The following PDE7B variants were observed in gnomAD, a reference collection of about 807,000 sequenced individuals.
PDE7B encodes the protein phosphodiesterase 7B, also known as 3',5'-cyclic-AMP phosphodiesterase 7B.
PDE7B carries 29 observed loss-of-function variants against 56.2 expected under a neutral mutation model. That is an observed-to-expected ratio of 0.52 (90% CI 0.38 to 0.70). The LOEUF (loss-of-function observed/expected upper bound fraction) is 0.70. PDE7B is among the 30% of genes least tolerant of loss of function. PDE7B has a pLI of 0.00. For synonymous variants in PDE7B, 197 were observed against 196.9 expected, an observed-to-expected ratio of 1.00 and a Z score of 0.00; for missense variants, 490 against 565.0, an observed-to-expected ratio of 0.87 and a Z score of 1.35.
chr6:136,033,258 C>T (rs1320427012), intron 2 of PDE7B, among the ~76,000 whole-genome samples: 13 of 152,150 alleles, frequency 8.5e-5, no homozygotes, highest in Admixed American at 8.5e-4. Flanking sequence ...TCTCACTGGA[C>T]CCATTTTTTT....
At chr6:136,104,368 A>G (rs1418936602) in intron 2 of PDE7B, among the ~76,000 whole-genome samples, 1 of 152,206 alleles carries the variant, frequency 6.6e-6, no homozygotes, top group African/African-American at 2.4e-5. Context: ...TGAATAGTCA[A>G]AATAATTGTT....
intron 1 of PDE7B, among the ~76,000 whole-genome samples, chr6:135,910,045 G>T (rs1776186346): frequency 6.6e-6 from 1 of 152,202 alleles, no homozygotes; most frequent in African/African-American, 2.4e-5. Flanking sequence ...TGCTTTTGTA[G>T]TGTCTGTGGG....
intron 2 of PDE7B, among the ~76,000 whole-genome samples, chr6:136,015,805 G>A (rs917870298): frequency 2.0e-5 from 3 of 152,010 alleles, no homozygotes; most frequent in African/African-American, 7.2e-5. Flanking sequence ...AATGACCTAG[G>A]GGAAATTTTC....
chr6:136,071,658 T>C (rs1435912488), intron 2 of PDE7B, among the ~76,000 whole-genome samples: 1 of 152,178 alleles, frequency 6.6e-6, no homozygotes, highest in Non-Finnish European at 1.5e-5. Flanking sequence ...CCAAGTGTAG[T>C]GGTGCATGCC....
At chr6:135,909,572 C>G (rs1186031504) in intron 1 of PDE7B, among the ~76,000 whole-genome samples, 1 of 152,040 alleles carries the variant, frequency 6.6e-6, no homozygotes, top group Non-Finnish European at 1.5e-5. Context: ...TGCCACTGCA[C>G]TCCAGCCTGG....
chr6:136,026,120 G>A (rs2128208565), intron 2 of PDE7B, among the ~76,000 whole-genome samples: 1 of 152,294 alleles, frequency 6.6e-6, no homozygotes, highest in African/African-American at 2.4e-5. Flanking sequence ...ACATAACAAG[G>A]TAAAGACTAC....
At chr6:136,110,309 T>C (rs1777721759) in intron 3 of PDE7B, among the ~76,000 whole-genome samples, 1 of 152,184 alleles carries the variant, frequency 6.6e-6, no homozygotes, top group South Asian at 2.1e-4. Context: ...AATGGGCTGT[T>C]CCAGCTACCC....
intron 2 of PDE7B, among the ~76,000 whole-genome samples, chr6:136,010,472 C>G (rs1222344855): frequency 1.4e-5 from 2 of 143,378 alleles, no homozygotes; most frequent in Non-Finnish European, 3.0e-5. Flanking sequence ...GTGGTGCAGT[C>G]TCGGCTCACT....
rs143317151 is a variant in PDE7B at position 136,178,477 on chromosome 6, C to T, written c.804-520C>T. 2.0e-5 allele frequency among the ~76,000 whole-genome samples: 3 copies of T among 152,218 alleles called. No homozygotes were observed. In the East Asian group the frequency reaches 5.8e-4, roughly 29 times the overall value. On this transcript the variant is annotated intron_variant, in intron 9 of 12. Transcript: ENST00000308191. ...TCTTGCCCACTGGTTTGTAACAGTG[C>T]CTTAATTAGTTTTTGTGTTTGAAGT... is the stretch of plus-strand genomic sequence containing the variant.
intron 3 of PDE7B, chr6:136,117,127 T>TCTAACC (rs1285342658): frequency 1.3e-5 from 2 of 152,156 alleles, no homozygotes; most frequent in Non-Finnish European, 2.9e-5. Flanking sequence ...TGAGCGAAAC[T>TCTAACC]CTAACCCACT....
At chr6:135,869,297 T>C (rs186423264) in intron 1 of PDE7B, among the ~76,000 whole-genome samples, 7 of 152,278 alleles carry the variant, frequency 4.6e-5, no homozygotes, top group Admixed American at 3.3e-4. Context: ...TTAGTACATA[T>C]ACTATTACTG....
chr6:136,139,951 T>C (rs977113028), intron 3 of PDE7B, among the ~76,000 whole-genome samples: 4 of 152,132 alleles, frequency 2.6e-5, no homozygotes, highest in African/African-American at 7.2e-5. Flanking sequence ...GTTTCTTTTG[T>C]TGTGCAGAAG....
chr6:136,157,393 C>T (rs555671067), intron 8 of PDE7B, among the ~76,000 whole-genome samples: 2 of 152,164 alleles, frequency 1.3e-5, no homozygotes, highest in Non-Finnish European at 2.9e-5. Flanking sequence ...GCCTGGCCAA[C>T]ACGGTGAAAC....
At position 135,935,184 on chromosome 6, in the gene PDE7B, A is replaced by T. The variant is rs1296691334; in HGVS notation, c.22-12280A>T. On this transcript the variant is annotated intron_variant, in intron 1 of 12. Transcript: ENST00000308191. Reference sequence around the variant, plus strand: ...GAGACAGAGAATTTTATATATATATATTTATTTATATATATATATATATAT... The same window carrying T: ...GAGACAGAGAATTTTATATATATATTTTTATTTATATATATATATATATAT... Among the ~76,000 whole-genome samples the T allele has an allele frequency of 7.4e-5, 4 of 54,066 alleles. 1 individual carries two copies. The highest frequency in any genetic ancestry group is 1.2e-4 in the Non-Finnish European group (4 of 32,782). The allele number at this position is 54,066 out of a possible 152,430, so 35.5% of individuals were successfully genotyped here.
At chr6:135,983,166 A>T (rs1161536154) in intron 2 of PDE7B, among the ~76,000 whole-genome samples, 1 of 152,210 alleles carries the variant, frequency 6.6e-6, no homozygotes, top group Non-Finnish European at 1.5e-5. Flanking sequence ...AAAAAATTTA[A>T]GACACACACA....
intron 2 of PDE7B, among the ~76,000 whole-genome samples, chr6:136,088,256 A>T (rs1385133506): frequency 1.3e-5 from 2 of 152,186 alleles, no homozygotes; most frequent in African/African-American, 4.8e-5. Flanking sequence ...GCAGGTTATA[A>T]TATTACTATA....
intron 2 of PDE7B, among the ~76,000 whole-genome samples, chr6:136,069,847 G>C (rs532926833): frequency 6.6e-6 from 1 of 152,106 alleles, no homozygotes; most frequent in African/African-American, 2.4e-5. Flanking sequence ...AGTGCTTAAA[G>C]AATCAGTTTA....
intron 8 of PDE7B, among the ~76,000 whole-genome samples, chr6:136,171,898 TGTTCTTGCGATA>T (rs2128449925): frequency 6.6e-6 from 1 of 151,440 alleles, no homozygotes; most frequent in Non-Finnish European, 1.5e-5. Context: ...TTTGGTTTTT[TGTTCTTGCGATA>T]GTTTACTGAG....
chr6:136,010,613 A>G (rs62429935), intron 2 of PDE7B, among the ~76,000 whole-genome samples: 29,649 of 151,540 alleles, frequency 0.2, 3,710 homozygotes, highest in Non-Finnish European at 0.28. Flanking sequence ...CTCCCCTTTT[A>G]GATGTATTTT....
Sources: allele counts gnomAD v4.1 joint callset (sites outside exome capture counted in the v4.1 genomes callset), GRCh38; gene constraint gnomAD v4.1.1; transcripts MANE v1.5; gene names NCBI Gene and HGNC (gene_info 2026-07-23, HGNC 2026-07-21).